Variants in GALNT13 observed in about 807,000 individuals in gnomAD.
GALNT13 encodes UDP-GalNAc:polypeptide N-acetylgalactosaminyltransferase 13.
Under a neutral mutation model 64.2 loss-of-function variants are expected in GALNT13, and 28 were observed. The ratio of observed to expected loss-of-function variants is 0.44; its 90% confidence interval spans 0.32 to 0.60. The LOEUF is 0.60. Ranked by LOEUF, GALNT13 falls within the 20% of genes least tolerant of loss-of-function variation. The pLI, the probability that GALNT13 is intolerant of heterozygous loss-of-function variation, is 0.05. For synonymous variants in GALNT13, 214 were observed against 224.6 expected, an observed-to-expected ratio of 0.95 and a Z score of 0.42; for missense variants, 577 against 669.8, an observed-to-expected ratio of 0.86 and a Z score of 1.53.
Position 154,241,461 on chromosome 2 carries a change from A to G in GALNT13, c.312-569A>G, listed in dbSNP as rs182298508. On this transcript the variant is annotated intron_variant, in intron 4 of 12. Transcript: ENST00000392825. ...TTCCCTTTCCTGATCTCCAAAACATAGGGAAATTTTAGAGGCCAGGATGCA... is the reference window on the plus strand; with the variant it reads ...TTCCCTTTCCTGATCTCCAAAACATGGGGAAATTTTAGAGGCCAGGATGCA... Among the ~76,000 whole-genome samples, 9 of 152,292 alleles carry G rather than the reference A, an allele frequency of 5.9e-5. No individual in the cohort carries two copies. The East Asian group carries it at 1.7e-3, about 29-fold the overall frequency.
the GALNT13 span, among the ~76,000 whole-genome samples, chr2:153,135,825 G>A: frequency 6.6e-6 from 1 of 151,920 alleles, no homozygotes; most frequent in South Asian, 2.1e-4. Flanking sequence ...GTATGCATAG[G>A]TGATGTTCTA....
chr2:153,503,265 A>G, the GALNT13 span, among the ~76,000 whole-genome samples: 111 of 152,254 alleles, frequency 7.3e-4, no homozygotes, highest in African/African-American at 2.6e-3. Flanking sequence ...ATAATGTAAG[A>G]CGATGAGGAT....
chr2:153,175,239 G>T, the GALNT13 span, among the ~76,000 whole-genome samples: 1 of 152,020 alleles, frequency 6.6e-6, no homozygotes, highest in Non-Finnish European at 1.5e-5. Flanking sequence ...TATACTCTTG[G>T]TCTTTCATTG....
intron 2 of GALNT13, among the ~76,000 whole-genome samples, chr2:153,922,157 T>G (rs560532517): frequency 1.3e-5 from 2 of 152,072 alleles, no homozygotes; most frequent in African/African-American, 4.8e-5. Context: ...GCTGAATGGA[T>G]GTGGGAAATC....
intron 3 of GALNT13, among the ~76,000 whole-genome samples, chr2:154,075,240 C>A (rs1039689991): frequency 6.6e-6 from 1 of 151,680 alleles, no homozygotes; most frequent in Non-Finnish European, 1.5e-5. Context: ...ATATTAGAAA[C>A]CTTGACATGT....
chr2:154,214,637 T>C (rs1687949618), intron 4 of GALNT13, among the ~76,000 whole-genome samples: 1 of 152,114 alleles, frequency 6.6e-6, no homozygotes. Context: ...TTTATAAGGC[T>C]CTTCCCCCTT....
intron 3 of GALNT13, among the ~76,000 whole-genome samples, chr2:153,953,767 G>A (rs1692366186): frequency 1.3e-5 from 2 of 152,050 alleles, no homozygotes; most frequent in Non-Finnish European, 2.9e-5. Flanking sequence ...CAGATAATTA[G>A]TAAGACAGTT....
the GALNT13 span, among the ~76,000 whole-genome samples, chr2:153,099,832 A>G: frequency 6.6e-6 from 1 of 152,216 alleles, no homozygotes; most frequent in Non-Finnish European, 1.5e-5. Flanking sequence ...CTCACACAGT[A>G]TGCAGCAAGT....
chr2:153,370,630 A>G, the GALNT13 span: 1 of 152,302 alleles, frequency 6.6e-6, no homozygotes, highest in South Asian at 2.1e-4. Context: ...AAAGGCAAAG[A>G]AGCCCCTGCT....
chr2:153,964,659 T>C (rs1693201919), intron 3 of GALNT13, among the ~76,000 whole-genome samples: 1 of 152,062 alleles, frequency 6.6e-6, no homozygotes, highest in African/African-American at 2.4e-5. Context: ...CATTGAAGGA[T>C]AATGAAAAAT....
rs78361119 is a variant in GALNT13, at chr2:153,962,846, T to C, written c.142+18207T>C. On this transcript the variant is annotated intron_variant, in intron 3 of 12. Transcript: ENST00000392825. ...ACCACTGATCTGGTTTTTGTGATTA[T>C]TGATTACTTTTGTCTCTTCTAGCAA... Among the ~76,000 whole-genome samples the C allele has an allele frequency of 5.6e-4, 85 of 152,320 alleles. No individual in the cohort carries two copies. In the East Asian group the frequency reaches 0.016, roughly 28 times the overall value.
chr2:153,736,974 C>T, the GALNT13 span, among the ~76,000 whole-genome samples: 1 of 152,176 alleles, frequency 6.6e-6, no homozygotes, highest in East Asian at 1.9e-4. Flanking sequence ...CCACTGCCAC[C>T]ATCACTCTTC....
chr2:153,860,544 C>A, the GALNT13 span, among the ~76,000 whole-genome samples: 1 of 151,956 alleles, frequency 6.6e-6, no homozygotes, highest in Non-Finnish European at 1.5e-5. Context: ...TATTTAGGAC[C>A]AAATCAGTTG....
chr2:153,258,212 A>G, the GALNT13 span, among the ~76,000 whole-genome samples: 1 of 152,232 alleles, frequency 6.6e-6, no homozygotes, highest in Non-Finnish European at 1.5e-5. Context: ...AAAATATAGT[A>G]ATACTAAAGT....
intron 11 of GALNT13, among the ~76,000 whole-genome samples, chr2:154,433,597 C>T (rs372693677): frequency 6.6e-6 from 1 of 152,136 alleles, no homozygotes. Flanking sequence ...CAGAAAAAGC[C>T]TTTGCCTCTG....
chr2:154,122,868 A>G (rs370029269), intron 3 of GALNT13, among the ~76,000 whole-genome samples: 48 of 151,338 alleles, frequency 3.2e-4, no homozygotes, highest in African/African-American at 1.1e-3. Flanking sequence ...CTAAAAGTGT[A>G]CATTTAGTCA....
At chr2:154,112,797 T>G (rs2098564) in intron 3 of GALNT13, among the ~76,000 whole-genome samples, 82,733 of 151,936 alleles carry the variant, frequency 0.54, 23,616 homozygotes, top group East Asian at 0.85. Context: ...CTGTGAAGCA[T>G]GTCCTAGTTT....
the GALNT13 span, among the ~76,000 whole-genome samples, chr2:153,637,521 G>A: frequency 6.6e-6 from 1 of 152,126 alleles, no homozygotes; most frequent in Non-Finnish European, 1.5e-5. Context: ...CTTTCCTAAT[G>A]TTATTACTTC....
chr2:153,548,845 T>C, the GALNT13 span, among the ~76,000 whole-genome samples: 1 of 152,204 alleles, frequency 6.6e-6, no homozygotes, highest in South Asian at 2.1e-4. Flanking sequence ...AACAGCATGA[T>C]TCATAACACT....
Sources: gnomAD v4.1 joint callset for allele counts (sites outside exome capture counted in the v4.1 genomes callset) on GRCh38, gnomAD v4.1.1 for gene constraint, MANE v1.5 for transcripts, NCBI Gene and HGNC (gene_info 2026-07-23, HGNC 2026-07-21) for gene names.